Variants in COL3A1 observed in about 807,000 individuals in gnomAD.
The protein encoded by COL3A1 is collagen type III alpha 1 chain.
Under a neutral mutation model 200.9 loss-of-function variants are expected in COL3A1, and 46 were observed. The ratio of observed to expected loss-of-function variants is 0.23; its 90% CI spans 0.18 to 0.29. The LOEUF (loss-of-function observed/expected upper bound fraction) is 0.29. COL3A1 is among the 10% of genes least tolerant of loss of function. The probability of loss-of-function intolerance (pLI) is 1.00; values close to 1 mark genes in which losing one functional copy is unlikely to be tolerated. For synonymous variants in COL3A1, 650 were observed against 628.0 expected (o/e 1.03, Z -0.52); for missense variants, 1,367 against 1,917.6 (o/e 0.71, Z 5.36).
At chr2:189,003,152 C>T in intron 36 of COL3A1, 90 bp downstream of exon 36, 2 of 1,103,014 alleles carry the variant, frequency 1.8e-6, no homozygotes, top group Admixed American at 2.0e-5. Flanking sequence ...TCTCCCTCTC[C>T]CCCCTCTGTA....
rs185677362 is a variant in COL3A1 at position 189,000,485 on chromosome 2, G to A, written c.2283+590G>A. Among the ~76,000 whole-genome samples the A allele has an allele frequency of 1.5e-4, 23 of 152,278 alleles. No homozygotes were observed. In the East Asian group the frequency reaches 4.4e-3, roughly 29 times the overall value. On this transcript the variant is annotated intron_variant, in intron 32 of 50. Coordinates refer to ENST00000304636, the MANE Select transcript of COL3A1 (RefSeq NM_000090.4). ...GTTAAGAATGAGAAAGAGAGAGATG[G>A]ATGTGGCTATGGAGACATGACACAA...
At chr2:188,997,534 A>C in intron 26 of COL3A1, 145 bp downstream of exon 26, 1 of 1,135,798 alleles carries the variant, frequency 8.8e-7, no homozygotes, top group Non-Finnish European at 1.3e-6. Context: ...TTATCTAGCT[A>C]AATGCTAGCA....
At position 189,010,876 on chromosome 2, in the gene COL3A1, G is replaced by A. The variant is rs1688709269; in HGVS notation, c.4240G>A (p.Glu1414Lys). 1.9e-6 allele frequency: 3 copies of A among 1,614,026 alleles called. No individual in the cohort carries two copies. The highest frequency in any genetic ancestry group is 2.5e-6 in the Non-Finnish European group (3 of 1,179,986). The change falls in exon 50 of 51, where the codon GAG becomes AAG. Residue 1414 changes from glutamate to lysine, a missense_variant. Around this residue, in one of 5 missense-constraint regions of COL3A1, gnomAD observed 846 missense variants for 1,147.9 expected, o/e 0.74. Transcript: ENST00000304636. ...TAGCAAATTCACCTACACAGTTCTGGAGGATGGTTGCACGGTAGGAAACAT... is the reference window on the plus strand; with the variant it reads ...TAGCAAATTCACCTACACAGTTCTGAAGGATGGTTGCACGGTAGGAAACAT... ...GNSKFTYTVL[E>K]DGCTKHTGEW...
At position 188,997,198 on chromosome 2, in the gene COL3A1, C is replaced by T; in HGVS notation, c.1795C>T (p.Pro599Ser). Residue 599 changes from proline (P) to serine (S), a missense_variant, in exon 25 of 51, where the codon CCT becomes TCT. Transcript: ENST00000304636. ...APGKNGERGG[P>S]GGPGPQGPPG... ...TGGTAAGAATGGAGAACGAGGTGGC[C>T]CTGGAGGACCTGGCCCTCAGGTACG... The T allele has an allele frequency of 1.2e-6, 2 of 1,613,916 alleles. No homozygotes were observed. Among genetic ancestry groups the T allele is most frequent in the Non-Finnish European group, 1.7e-6 (2 of 1,179,978 alleles).
intron 40 of COL3A1, among the ~76,000 whole-genome samples, chr2:189,004,722 T>A (rs1688550921): frequency 6.6e-6 from 1 of 152,222 alleles, no homozygotes; most frequent in South Asian, 2.1e-4. Context: ...CTTTCATTAA[T>A]GCTAGTTATC....
At chr2:189,009,637 A>G (rs1688676059) in intron 48 of COL3A1, among the ~76,000 whole-genome samples, 1 of 152,208 alleles carries the variant, frequency 6.6e-6, no homozygotes, top group African/African-American at 2.4e-5. Context: ...ACTGTATAAA[A>G]TTAAATAGAA....
intron 1 of COL3A1, among the ~76,000 whole-genome samples, 200 bp downstream of exon 1, chr2:188,974,768 G>A (rs554155697): frequency 6.6e-6 from 1 of 152,272 alleles, no homozygotes; most frequent in African/African-American, 2.4e-5. Flanking sequence ...GTTTTTAAGA[G>A]TTCTGTGGTT....
Position 188,984,745 on chromosome 2 carries a change from T to C in COL3A1, c.80-15T>C. ...AAACCTAAGGAAACTTCACGTCATC[T>C]AACTTGTTTTTCAGCTGTTGAAGGA... On this transcript the variant is annotated splice_polypyrimidine_tract_variant and intron_variant, in intron 1 of 50. Coordinates refer to ENST00000304636, the MANE Select transcript of COL3A1 (RefSeq NM_000090.4). 2 of 1,612,140 alleles carry C rather than the reference T, an allele frequency of 1.2e-6. No individual in the cohort carries two copies. Among genetic ancestry groups the C allele is most frequent in the Non-Finnish European group, 1.7e-6 (2 of 1,178,524 alleles).
rs1688080072 is a variant in COL3A1, at chr2:188,987,120, C to T, written c.509C>T (p.Ala170Val). ...TCTGGAGTAGCAGTAGGAGGACTCG[C>T]AGGCTATCCTGGACCAGCTGTACGT... The part of the protein sequence containing the change: ...VKSGVAVGGL[A>V]GYPGPAGPPG... The change falls in exon 5 of 51, where the codon GCA becomes GTA. Residue 170 changes from alanine (A) to valine (V), a missense_variant. Ala to Val is a moderately conservative substitution (Grantham distance 64). This residue lies in a region of COL3A1 where 462 missense variants were observed against 681.4 expected (regional missense o/e 0.68). Transcript: ENST00000304636. 6.2e-7 allele frequency: 1 copy of T among 1,612,630 alleles called. No homozygotes were observed. Among genetic ancestry groups the T allele is most frequent in the Non-Finnish European group, 8.5e-7 (1 of 1,178,930 alleles).
rs1688305221 is a variant in COL3A1, at chr2:188,996,169, A to G, written c.1653A>G (p.Pro551=). The G allele has an allele frequency of 4.3e-6, 7 of 1,613,552 alleles. No individual in the cohort carries two copies. Among genetic ancestry groups the G allele is most frequent in the Non-Finnish European group, 5.9e-6 (7 of 1,179,792 alleles). Residue 551 remains proline (P), a synonymous_variant, in exon 23 of 51, where the codon CCA becomes CCG. Transcript: ENST00000304636. The part of the protein sequence containing the change: ...SPGGPGSDGK[P]GPPGSQGESG... ...GAGGACCAGGAAGTGATGGGAAACC[A>G]GGGCCTCCCGTATGTACATTTTTAA...
At chr2:188,988,833 AATAAAGG>A (rs975290892) in intron 7 of COL3A1, among the ~76,000 whole-genome samples, 190 bp downstream of exon 7, 1 of 152,004 alleles carries the variant, frequency 6.6e-6, no homozygotes, top group Non-Finnish European at 1.5e-5. Context: ...GACACTAGTT[AATAAAGG>A]AATTCCCTCA....
rs1688461018 is a variant in COL3A1, at chr2:189,001,468, C to G, written c.2337+18C>G. On this transcript the variant is annotated intron_variant, in intron 33 of 50. Coordinates refer to ENST00000304636, the MANE Select transcript of COL3A1 (RefSeq NM_000090.4). ...GAGATAAGGTAACCCTTAATACTAC[C>G]TGGATATAAAAAGAAAATGTCTCTC... The G allele has an allele frequency of 6.2e-7, 1 of 1,614,040 alleles. No homozygotes were observed.
At chr2:188,991,838 T>C in intron 13 of COL3A1, 116 bp downstream of exon 13, 1 of 957,798 alleles carries the variant, frequency 1.0e-6, no homozygotes, top group South Asian at 1.3e-5. Context: ...TACAAAATTA[T>C]ACTCAATGAT....
chr2:188,980,050 C>T (rs74466352), intron 1 of COL3A1, among the ~76,000 whole-genome samples: 2,881 of 151,566 alleles, frequency 0.019, 86 homozygotes, highest in African/African-American at 0.066. Flanking sequence ...GTTTTACTAA[C>T]GCTGGCAAAT....
At chr2:188,987,300 C>A (rs759175379) in intron 5 of COL3A1, among the ~76,000 whole-genome samples, 161 bp downstream of exon 5, 3 of 151,464 alleles carry the variant, frequency 2.0e-5, no homozygotes, top group African/African-American at 7.3e-5. Flanking sequence ...TTATCATGTT[C>A]TTTCTATCTT....
In COL3A1 at chr2:189,001,337, A is replaced by T. The variant is rs183715409; in HGVS notation, c.2284-60A>T. The T allele has an allele frequency of 1.4e-3, 2,099 of 1,517,366 alleles. 4 individuals are homozygous for T. The highest frequency in any genetic ancestry group is 1.5e-3 in the Non-Finnish European group (1,593 of 1,094,672). The allele number at this position is 1,517,366 out of a possible 1,614,324, so 94.0% of individuals were successfully genotyped here. On this transcript the variant is annotated intron_variant, in intron 32 of 50. Transcript: ENST00000304636. ...TCTATGTCTATATACTTTCTGTTTGATTAATGCAAAAAACGATATTTGTAT... is the reference window on the plus strand; with the variant it reads ...TCTATGTCTATATACTTTCTGTTTGTTTAATGCAAAAAACGATATTTGTAT...
At position 188,980,947 on chromosome 2, in the gene COL3A1, A is replaced by T. The variant is rs1424914617; in HGVS notation, c.80-3813A>T. Reference sequence around the variant, plus strand: ...TTCTTAGATTTTCAGATTATACAACATCTTTTCCCAGATAAGGATTTAGTA... The same window carrying T: ...TTCTTAGATTTTCAGATTATACAACTTCTTTTCCCAGATAAGGATTTAGTA... On this transcript the variant is annotated intron_variant, in intron 1 of 50. Transcript: ENST00000304636. Among the ~76,000 whole-genome samples, 4 of 151,308 alleles carry T rather than the reference A, an allele frequency of 2.6e-5. No homozygotes were observed. The South Asian group carries it at 6.2e-4, about 24-fold the overall frequency.
intron 3 of COL3A1, 96 bp downstream of exon 3, chr2:188,985,343 C>T (rs990073552): frequency 1.1e-6 from 1 of 943,368 alleles, no homozygotes; most frequent in Non-Finnish European, 1.7e-6. Context: ...CATACATTCT[C>T]TTCATTACCA....
intron 1 of COL3A1, among the ~76,000 whole-genome samples, chr2:188,980,385 TA>T: frequency 3.8e-5 from 1 of 26,580 alleles, no homozygotes; most frequent in Non-Finnish European, 8.0e-5. Flanking sequence ...TAGACAATTC[TA>T]AAAGATTAAT....
Sources: gnomAD v4.1 joint callset for allele counts (sites outside exome capture counted in the v4.1 genomes callset) on GRCh38, gnomAD v4.1.1 for gene constraint, gnomAD v4.1.1 regional missense constraint, MANE v1.5 for transcripts, NCBI Gene and HGNC (gene_info 2026-07-23, HGNC 2026-07-21) for gene names.